The following ADA2 variants were observed in gnomAD, a reference collection of about 807,000 sequenced individuals.
ADA2 encodes the protein adenosine deaminase 2, also known as adenosine deaminase CECR1.
Under a neutral mutation model 44.2 loss-of-function variants are expected in ADA2, and 29 were observed. That is an observed-to-expected ratio of 0.66 (90% CI 0.49 to 0.89). The LOEUF is 0.89. Among genes scored for constraint, ADA2 ranks in the 40% least tolerant of loss-of-function variants. The pLI is 0.00. For missense variants in ADA2, 637 were observed against 644.8 expected (o/e 0.99, Z 0.13); for synonymous variants, 215 against 234.9 (o/e 0.92, Z 0.77).
upstream of ADA2, among the ~76,000 whole-genome samples, chr22:17,220,718 C>T (rs755552113): frequency 6.6e-6 from 1 of 152,156 alleles, no homozygotes; most frequent in Non-Finnish European, 1.5e-5. Flanking sequence ...CAAATCTACC[C>T]CCAAAAGCCC....
chr22:17,213,590 GA>G, intron 1 of ADA2: 2 of 290,574 alleles, frequency 6.9e-6, no homozygotes, highest in Non-Finnish European at 6.9e-6. Context: ...AGCGGAAGAA[GA>G]AAAAGAAGGA....
At chr22:17,216,758 CA>C (rs869276201) in intron 1 of ADA2, among the ~76,000 whole-genome samples, 5,591 of 139,248 alleles carry the variant, frequency 0.04, 368 homozygotes, top group African/African-American at 0.14. Flanking sequence ...GACTCCACCT[CA>C]AAAAAAAAAA....
intron 4 of ADA2, among the ~76,000 whole-genome samples, chr22:17,202,783 T>TTTTG: frequency 6.6e-6 from 1 of 151,590 alleles, no homozygotes. Flanking sequence ...CTTTTTTTTT[T>TTTTG]TGTGTGTGTG....
chr22:17,199,205 G>GT (rs2062237349), intron 4 of ADA2, among the ~76,000 whole-genome samples: 1 of 152,070 alleles, frequency 6.6e-6, no homozygotes. Flanking sequence ...GACGGGCAGA[G>GT]TGAGGACAGA....
chr22:17,184,314 G>C (rs1309238606), intron 7 of ADA2, among the ~76,000 whole-genome samples: 1 of 152,174 alleles, frequency 6.6e-6, no homozygotes, highest in Non-Finnish European at 1.5e-5. Flanking sequence ...TGAAAGGTCA[G>C]ATGTGCCTTT....
At chr22:17,191,242 C>A (rs986751097) in intron 5 of ADA2, among the ~76,000 whole-genome samples, 3 of 152,258 alleles carry the variant, frequency 2.0e-5, no homozygotes, top group Non-Finnish European at 1.5e-5. Context: ...GAGGTCCCCA[C>A]ACGCAGACTT....
chr22:17,199,758 C>T, intron 4 of ADA2: 8 of 1,454,924 alleles, frequency 5.5e-6, no homozygotes. Flanking sequence ...AGCTCTTTGA[C>T]CTTTCCAGGC....
chr22:17,182,083 G>C (rs1358271988), intron 8 of ADA2, 61 bp from the exon 9 acceptor site: 1 of 1,362,678 alleles, frequency 7.3e-7, no homozygotes, highest in African/African-American at 1.4e-5. Context: ...GTAGTCACAA[G>C]TGAGGTGAGA....
At chr22:17,218,945 T>C (rs1489847977) in intron 1 of ADA2, among the ~76,000 whole-genome samples, 1 of 152,142 alleles carries the variant, frequency 6.6e-6, no homozygotes, top group Non-Finnish European at 1.5e-5. Flanking sequence ...TCACCTGACG[T>C]CAGTCGTTCA....
At chr22:17,208,559 T>C (rs758588362) in intron 2 of ADA2, among the ~76,000 whole-genome samples, 4 of 151,944 alleles carry the variant, frequency 2.6e-5, no homozygotes, top group Non-Finnish European at 4.4e-5. Context: ...TCCCAGCACT[T>C]TGGGAGGCCG....
intron 3 of ADA2, among the ~76,000 whole-genome samples, chr22:17,206,693 A>G (rs1433601372): frequency 6.6e-6 from 1 of 152,082 alleles, no homozygotes; most frequent in African/African-American, 2.4e-5. Flanking sequence ...AGGCTGGAGT[A>G]CAGTGGCTCC....
chr22:17,213,473 C>T (rs2062438082), intron 1 of ADA2: 5 of 217,348 alleles, frequency 2.3e-5, no homozygotes, highest in South Asian at 1.2e-4. Context: ...ATAAAGAAAA[C>T]GTGGCAAGTC....
In ADA2 at chr22:17,207,053, T is replaced by A. The variant is rs757607364; in HGVS notation, c.542+18A>T. 2 of 1,602,464 alleles carry A rather than the reference T, an allele frequency of 1.2e-6. No individual in the cohort carries two copies. Among genetic ancestry groups the A allele is most frequent in the Non-Finnish European group, 1.7e-6 (2 of 1,169,768 alleles). ...CCATGACAGGCCTGGGACATGTGCT[T>A]TCTGAACTACTACTCACCTGTCATC... On this transcript the variant is annotated intron_variant, in intron 3 of 9. Transcript: ENST00000399837.
intron 1 of ADA2, among the ~76,000 whole-genome samples, chr22:17,217,486 C>T (rs1170304424): frequency 6.6e-6 from 1 of 152,172 alleles, no homozygotes; most frequent in South Asian, 2.1e-4. Context: ...CATCTCCTCA[C>T]ACAAGGCTCT....
At chr22:17,185,410 G>A (rs1300104643) in intron 7 of ADA2, among the ~76,000 whole-genome samples, 5 of 125,192 alleles carry the variant, frequency 4.0e-5, no homozygotes, top group African/African-American at 6.1e-5. Context: ...GCGAGACTCC[G>A]TCTCAAAAAA....
chr22:17,220,357 G>A (rs1165730774), upstream of ADA2, among the ~76,000 whole-genome samples: 9 of 152,192 alleles, frequency 5.9e-5, no homozygotes, highest in African/African-American at 1.2e-4. Context: ...GTCAGACCTC[G>A]CTTTGTAGCT....
At chr22:17,204,885 C>T (rs2062336558) in intron 3 of ADA2, among the ~76,000 whole-genome samples, 1 of 151,188 alleles carries the variant, frequency 6.6e-6, no homozygotes, top group African/African-American at 2.4e-5. Context: ...GCCTCAATCT[C>T]CCAGGCTCAA....
intron 1 of ADA2, among the ~76,000 whole-genome samples, chr22:17,213,336 G>A (rs1440120844): frequency 6.6e-6 from 1 of 152,114 alleles, no homozygotes; most frequent in African/African-American, 2.4e-5. Flanking sequence ...TCCCATTACT[G>A]GGTATCTATC....
At position 17,211,189 on chromosome 22, in the gene ADA2, G is replaced by A. The variant is rs138273536; in HGVS notation, c.-46-1466C>T. Among the ~76,000 whole-genome samples the A allele has an allele frequency of 4.2e-3, 641 of 151,816 alleles. 3 individuals are homozygous for A. Among genetic ancestry groups the A allele is most frequent in the Middle Eastern group, 0.01 (3 of 292 alleles). ...AGCCTGGCCAATATGATGAAAACCC[G>A]TCCTACTAAAAATACAAAAATTAGC... On this transcript the variant is annotated intron_variant, in intron 1 of 9. Coordinates refer to ENST00000399837, the MANE Select transcript of ADA2 (RefSeq NM_001282225.2).
Sources: gnomAD v4.1 joint callset for allele counts (sites outside exome capture counted in the v4.1 genomes callset) on GRCh38, gnomAD v4.1.1 for gene constraint, MANE v1.5 for transcripts, NCBI Gene and HGNC (gene_info 2026-07-23, HGNC 2026-07-21) for gene names.